Variants in GALNTL6 observed in about 807,000 individuals in gnomAD.
GALNTL6 encodes polypeptide N-acetylgalactosaminyltransferase-like 6.
A neutral mutation model predicts 73.7 loss-of-function variants in GALNTL6; 46 were observed. The ratio of observed to expected loss-of-function variants is 0.62; its 90% CI spans 0.49 to 0.80. The LOEUF is 0.80. Among genes scored for constraint, GALNTL6 ranks in the 30% least tolerant of loss-of-function variants. The probability of loss-of-function intolerance (pLI) is 0.00; values close to 1 mark genes in which losing one functional copy is unlikely to be tolerated. For missense variants in GALNTL6, 604 were observed against 755.0 expected (o/e 0.80, Z 2.34); for synonymous variants, 259 against 263.7 (o/e 0.98, Z 0.17).
At chr4:171,959,775 T>C (rs748337373) in intron 2 of GALNTL6, among the ~76,000 whole-genome samples, 6 of 152,214 alleles carry the variant, frequency 3.9e-5, no homozygotes, top group Non-Finnish European at 8.8e-5. Context: ...AAAGCAGTTG[T>C]TCTACGTGAT....
chr4:172,772,506 G>A (rs536971345), intron 5 of GALNTL6, among the ~76,000 whole-genome samples: 2 of 152,246 alleles, frequency 1.3e-5, no homozygotes, highest in East Asian at 1.9e-4. Flanking sequence ...ATATGTTTCC[G>A]TGGCTCAGGA....
At chr4:172,265,835 G>T (rs1303228913) in intron 3 of GALNTL6, among the ~76,000 whole-genome samples, 2 of 151,786 alleles carry the variant, frequency 1.3e-5, no homozygotes, top group Admixed American at 1.3e-4. Context: ...CTTGTTCTCC[G>T]ATAAGAGGAT....
chr4:171,949,957 C>T (rs1454341248), intron 2 of GALNTL6, among the ~76,000 whole-genome samples: 1 of 152,162 alleles, frequency 6.6e-6, no homozygotes, highest in East Asian at 1.9e-4. Flanking sequence ...GTAAATTCCA[C>T]CCATTCAAAA....
intron 7 of GALNTL6, among the ~76,000 whole-genome samples, chr4:172,836,028 C>CA (rs1236369554): frequency 6.6e-6 from 1 of 152,144 alleles, no homozygotes; most frequent in African/African-American, 2.4e-5. Context: ...ACTGTTTCCT[C>CA]AGGGGTATGG....
chr4:172,372,718 G>T (rs149558964), intron 5 of GALNTL6, among the ~76,000 whole-genome samples: 14,586 of 152,184 alleles, frequency 0.096, 794 homozygotes, highest in East Asian at 0.18. Context: ...GGCTGTTTCT[G>T]CCTCTGGTTC....
intron 5 of GALNTL6, among the ~76,000 whole-genome samples, chr4:172,421,004 G>A (rs979714420): frequency 6.6e-6 from 1 of 151,976 alleles, no homozygotes; most frequent in African/African-American, 2.4e-5. Context: ...GGCCTGTCAG[G>A]GGGTTGGGGG....
chr4:172,708,055 C>G (rs1398616523), intron 5 of GALNTL6, among the ~76,000 whole-genome samples: 1 of 152,052 alleles, frequency 6.6e-6, no homozygotes, highest in East Asian at 1.9e-4. Context: ...ATTCTCCTCA[C>G]CATAAAAACA....
At chr4:172,451,288 G>A (rs72990268) in intron 5 of GALNTL6, among the ~76,000 whole-genome samples, 3,771 of 152,280 alleles carry the variant, frequency 0.025, 154 homozygotes, top group African/African-American at 0.082. Context: ...TTTGTTTCCT[G>A]TATTTTGAAC....
At chr4:171,905,961 A>G (rs1737263177) in intron 2 of GALNTL6, among the ~76,000 whole-genome samples, 1 of 151,412 alleles carries the variant, frequency 6.6e-6, no homozygotes, top group African/African-American at 2.4e-5. Context: ...CAAAGACACA[A>G]CATACCAGAA....
Position 172,361,534 on chromosome 4 carries a change from T to C in GALNTL6, c.553+12845T>C, listed in dbSNP as rs1578994177. The stretch of plus-strand genomic sequence containing the variant: ...ACTTTCCAAGGTTTGAAAAAGCTTA[T>C]GGATTCTGGGTCTGTACTTAGCCTA... On this transcript the variant is annotated intron_variant, in intron 5 of 12. Coordinates refer to ENST00000506823, the MANE Select transcript of GALNTL6 (RefSeq NM_001034845.3). 2.0e-5 allele frequency among the ~76,000 whole-genome samples: 3 copies of C among 152,172 alleles called. No individual in the cohort carries two copies. In the East Asian group the frequency reaches 5.8e-4, roughly 29 times the overall value.
At chr4:172,555,102 G>A (rs1055329815) in intron 5 of GALNTL6, among the ~76,000 whole-genome samples, 2 of 152,018 alleles carry the variant, frequency 1.3e-5, no homozygotes, top group Admixed American at 1.3e-4. Context: ...AGCTTTTAAT[G>A]TTGATTTTGT....
intron 5 of GALNTL6, among the ~76,000 whole-genome samples, chr4:172,614,555 A>G (rs1179795250): frequency 2.0e-5 from 3 of 152,186 alleles, no homozygotes; most frequent in Non-Finnish European, 4.4e-5. Context: ...TGTATTGGGT[A>G]GTTTTATGTG....
intron 2 of GALNTL6, among the ~76,000 whole-genome samples, chr4:172,009,973 A>C (rs1740955440): frequency 6.6e-6 from 1 of 152,164 alleles, no homozygotes; most frequent in South Asian, 2.1e-4. Flanking sequence ...TTCTATTCTG[A>C]AAGCCATATA....
chr4:173,022,254 T>C (rs1199297328), intron 12 of GALNTL6, among the ~76,000 whole-genome samples: 2 of 152,072 alleles, frequency 1.3e-5, no homozygotes, highest in Non-Finnish European at 2.9e-5. Flanking sequence ...TAGTCATACA[T>C]ACACATATTT....
chr4:172,705,424 G>A (rs1337111764), intron 5 of GALNTL6, among the ~76,000 whole-genome samples: 1 of 145,090 alleles, frequency 6.9e-6, no homozygotes. Flanking sequence ...ACTTTATTTT[G>A]ATCATAAAGA....
chr4:172,592,716 C>CTATCTATCGA (rs1553963436), intron 5 of GALNTL6, among the ~76,000 whole-genome samples: 40 of 151,650 alleles, frequency 2.6e-4, no homozygotes, highest in Non-Finnish European at 4.6e-4. Flanking sequence ...ATCTATCTAT[C>CTATCTATCGA]GAGAGAGACT....
At chr4:172,304,620 G>C (rs1196193939) in intron 3 of GALNTL6, among the ~76,000 whole-genome samples, 1 of 152,052 alleles carries the variant, frequency 6.6e-6, no homozygotes, top group African/African-American at 2.4e-5. Context: ...TGTTTCTCTT[G>C]TATTCTAGTT....
chr4:172,293,864 T>C (rs1275696218), intron 3 of GALNTL6, among the ~76,000 whole-genome samples: 1 of 151,354 alleles, frequency 6.6e-6, no homozygotes, highest in Non-Finnish European at 1.5e-5. Context: ...ATTTTTTATT[T>C]ATTTATTTAT....
intron 2 of GALNTL6, among the ~76,000 whole-genome samples, chr4:172,209,122 G>C (rs1229668533): frequency 6.6e-6 from 1 of 151,960 alleles, no homozygotes; most frequent in Non-Finnish European, 1.5e-5. Context: ...ATTTGCTCAA[G>C]ATGTTAAACT....
Sources: gnomAD v4.1 joint callset for allele counts (sites outside exome capture counted in the v4.1 genomes callset) on GRCh38, gnomAD v4.1.1 for gene constraint, MANE v1.5 for transcripts, NCBI Gene and HGNC (gene_info 2026-07-23, HGNC 2026-07-21) for gene names.